Variants in CCSER1 observed in about 807,000 individuals in gnomAD.
The protein encoded by CCSER1 is serine-rich coiled-coil domain-containing protein 1.
A neutral mutation model predicts 82.0 loss-of-function variants in CCSER1; 41 were observed. That is an observed-to-expected ratio of 0.50 (90% CI 0.39 to 0.65). The LOEUF (loss-of-function observed/expected upper bound fraction) is 0.65, where lower values mean the gene tolerates loss of function less well. Ranked by LOEUF, CCSER1 falls within the 30% of genes least tolerant of loss-of-function variation. CCSER1 has a pLI of 0.00. For synonymous variants in CCSER1, 414 were observed against 383.9 expected, an observed-to-expected ratio of 1.08 and a Z score of -0.92; for missense variants, 1,119 against 1,064.2, an observed-to-expected ratio of 1.05 and a Z score of -0.72.
At chr4:91,410,933 T>G (rs2149371115) in intron 10 of CCSER1, among the ~76,000 whole-genome samples, 1 of 152,216 alleles carries the variant, frequency 6.6e-6, no homozygotes, top group African/African-American at 2.4e-5. Context: ...TTAGTGATCT[T>G]AGCATCATAT....
chr4:91,524,867 A>G (rs1317131874), intron 10 of CCSER1, among the ~76,000 whole-genome samples: 1 of 152,190 alleles, frequency 6.6e-6, no homozygotes, highest in Non-Finnish European at 1.5e-5. Flanking sequence ...ATCTGTTCTT[A>G]TCACATAGGA....
intron 10 of CCSER1, among the ~76,000 whole-genome samples, chr4:91,163,258 T>A (rs1463356176): frequency 1.3e-5 from 2 of 152,248 alleles, no homozygotes. Context: ...AGTTTCTTAA[T>A]CCTGAGTTCT....
At chr4:91,529,246 G>A (rs1328307990) in intron 10 of CCSER1, among the ~76,000 whole-genome samples, 1 of 152,118 alleles carries the variant, frequency 6.6e-6, no homozygotes, top group South Asian at 2.1e-4. Flanking sequence ...TTTAGTCAGA[G>A]AATTATAGAG....
intron 9 of CCSER1, among the ~76,000 whole-genome samples, chr4:91,018,179 G>C (rs1739607963): frequency 6.6e-6 from 1 of 151,764 alleles, no homozygotes; most frequent in Non-Finnish European, 1.5e-5. Context: ...TATTTATTTA[G>C]CTCAGTACTC....
At chr4:90,873,604 T>C (rs1231465045) in intron 8 of CCSER1, among the ~76,000 whole-genome samples, 3 of 152,146 alleles carry the variant, frequency 2.0e-5, no homozygotes, top group Non-Finnish European at 2.9e-5. Context: ...TTTTATCTTA[T>C]GAGGCACATG....
chr4:91,208,071 G>C (rs1365761891), intron 10 of CCSER1, among the ~76,000 whole-genome samples: 1 of 151,750 alleles, frequency 6.6e-6, no homozygotes, highest in African/African-American at 2.4e-5. Flanking sequence ...CTATTTAATG[G>C]GGTTGTGTGT....
intron 9 of CCSER1, among the ~76,000 whole-genome samples, chr4:90,950,625 G>A (rs368418483): frequency 2.0e-5 from 3 of 152,202 alleles, no homozygotes; most frequent in Non-Finnish European, 2.9e-5. Flanking sequence ...ACAGGCTTTT[G>A]TGTAACTATA....
chr4:90,441,058 T>C (rs1439598061), intron 4 of CCSER1, among the ~76,000 whole-genome samples: 1 of 152,180 alleles, frequency 6.6e-6, no homozygotes, highest in Non-Finnish European at 1.5e-5. Flanking sequence ...GGCCATTAGT[T>C]AGATTTAAGT....
At chr4:90,524,586 A>G (rs1326369554) in intron 5 of CCSER1, among the ~76,000 whole-genome samples, 2 of 152,098 alleles carry the variant, frequency 1.3e-5, no homozygotes, top group Admixed American at 1.3e-4. Context: ...CTCCTGCCTC[A>G]ACCTCCCGAG....
At chr4:91,336,687 ATATT>A (rs1179808223) in intron 10 of CCSER1, among the ~76,000 whole-genome samples, 1 of 152,108 alleles carries the variant, frequency 6.6e-6, no homozygotes, top group Admixed American at 6.6e-5. Flanking sequence ...ATATGTATTG[ATATT>A]TATTCTAATT....
intron 9 of CCSER1, among the ~76,000 whole-genome samples, chr4:90,995,618 A>T (rs1207755948): frequency 6.6e-6 from 1 of 152,152 alleles, no homozygotes; most frequent in African/African-American, 2.4e-5. Context: ...TTTAAAACAT[A>T]GTTATTATTA....
At chr4:91,020,398 C>T (rs766426844) in intron 9 of CCSER1, among the ~76,000 whole-genome samples, 2 of 152,136 alleles carry the variant, frequency 1.3e-5, no homozygotes, top group Non-Finnish European at 2.9e-5. Context: ...TGCGGTGGCT[C>T]ACACCTGTCA....
chr4:91,140,504 T>C (rs919330820), intron 10 of CCSER1, among the ~76,000 whole-genome samples: 1 of 152,126 alleles, frequency 6.6e-6, no homozygotes, highest in African/African-American at 2.4e-5. Context: ...TACATTCTTC[T>C]TTTCTGAGTC....
chr4:90,246,563 T>G (rs979393935), intron 1 of CCSER1, among the ~76,000 whole-genome samples: 1 of 152,144 alleles, frequency 6.6e-6, no homozygotes, highest in South Asian at 2.1e-4. Context: ...CAGTAAAAAT[T>G]TATTGCTTGA....
chr4:91,589,984 A>G (rs1250973980), intron 10 of CCSER1, among the ~76,000 whole-genome samples: 2 of 152,014 alleles, frequency 1.3e-5, no homozygotes, highest in African/African-American at 4.8e-5. Context: ...CCTAGAGTTC[A>G]TTTACTCTAA....
chr4:90,997,261 A>C (rs981527493), intron 9 of CCSER1, among the ~76,000 whole-genome samples: 2 of 151,980 alleles, frequency 1.3e-5, no homozygotes, highest in Non-Finnish European at 2.9e-5. Context: ...ACCATCCTTC[A>C]TCTTCAAAGC....
intron 10 of CCSER1, among the ~76,000 whole-genome samples, chr4:91,198,827 T>G (rs934790650): frequency 2.0e-5 from 3 of 152,184 alleles, no homozygotes; most frequent in African/African-American, 7.2e-5. Flanking sequence ...AAAGGGTTTT[T>G]ATTTGCTGAC....
chr4:90,772,104 A>G (rs75145613), intron 7 of CCSER1, among the ~76,000 whole-genome samples: 7,447 of 152,256 alleles, frequency 0.049, 222 homozygotes, highest in East Asian at 0.15. Context: ...TGTGTTATTC[A>G]ATAAAAAAGG....
At chr4:91,173,582 A>G (rs1197432271) in intron 10 of CCSER1, among the ~76,000 whole-genome samples, 2 of 135,466 alleles carry the variant, frequency 1.5e-5, no homozygotes, top group African/African-American at 2.9e-5. Context: ...CGACAGAGTG[A>G]GACTCCGTCT....
Sources: allele counts gnomAD v4.1 joint callset (sites outside exome capture counted in the v4.1 genomes callset), GRCh38; gene constraint gnomAD v4.1.1; transcripts MANE v1.5; gene names NCBI Gene and HGNC (gene_info 2026-07-23, HGNC 2026-07-21).